PIEZO1: variants seen among roughly 807,000 people sequenced by gnomAD.
PIEZO1 encodes the protein piezo-type mechanosensitive ion channel component 1.
A neutral mutation model predicts 297.2 loss-of-function variants in PIEZO1; 296 were observed. The observed-to-expected ratio is 1.00, with a 90% confidence interval of 0.91 to 1.10. PIEZO1 has a LOEUF of 1.10. Ranked by LOEUF, PIEZO1 falls within the 50% of genes least tolerant of loss-of-function variation. The probability of loss-of-function intolerance (pLI) is 0.00; values close to 1 mark genes in which losing one functional copy is unlikely to be tolerated. For missense variants in PIEZO1, 5,018 were observed against 3,455.5 expected, an observed-to-expected ratio of 1.45 and a Z score of -11.34; for synonymous variants, 2,427 against 1,507.5, an observed-to-expected ratio of 1.61 and a Z score of -14.13.
chr16:88,725,608 G>C lies in PIEZO1; in HGVS notation c.4045C>G (p.Gln1349Glu). The stretch of plus-strand genomic sequence containing the variant: ...AGAGGCACCTACTGTCTTTTCAGCT[G>C]GGCCAGGGACTTCTCCTCTATCCTG... The part of the protein sequence containing the change: ...HRRIEEKSLA[Q>E]LKRQMERIRA... The change falls in exon 28 of 51, where the codon CAG becomes GAG. Residue 1349 changes from glutamine to glutamate, a missense_variant. Gln to Glu is a conservative substitution (Grantham distance 29). Transcript: ENST00000301015. The C allele has an allele frequency of 1.3e-6, 2 of 1,548,732 alleles. No individual in the cohort carries two copies. Among genetic ancestry groups the C allele is most frequent in the Non-Finnish European group, 1.7e-6 (2 of 1,145,274 alleles).
rs546013462 is a variant in PIEZO1 at position 88,726,500 on chromosome 16, C to G, written c.3797-45G>C. 7 of 1,547,032 alleles carry G rather than the reference C, an allele frequency of 4.5e-6. No homozygotes were observed. The African/African-American group carries it at 6.8e-5, about 15-fold the overall frequency. ...AAGGGTCAGGCCCAGGGCCCAGGAG[C>G]AGGGGGCTTCCCCACGCCCTCCCCC... is the stretch of plus-strand genomic sequence containing the variant. On this transcript the variant is annotated intron_variant, in intron 26 of 50. Transcript: ENST00000301015.
chr16:88,742,180 C>T (rs1056642683), intron 3 of PIEZO1, 85 bp from the exon 4 acceptor site: 54 of 1,507,098 alleles, frequency 3.6e-5, no homozygotes, highest in Non-Finnish European at 4.4e-5. Flanking sequence ...TTCACCTGGA[C>T]CATCCAGGCC....
intron 1 of PIEZO1, among the ~76,000 whole-genome samples, chr16:88,750,639 G>C (rs1041937562): frequency 6.6e-6 from 1 of 152,236 alleles, no homozygotes; most frequent in Non-Finnish European, 1.5e-5. Flanking sequence ...TCTGGAGTCA[G>C]GGAGGCTGTG....
At chr16:88,737,502 A>C in intron 10 of PIEZO1, 57 bp downstream of exon 10, 1 of 1,259,254 alleles carries the variant, frequency 7.9e-7, no homozygotes, top group Non-Finnish European at 1.1e-6. Flanking sequence ...AGGGGGCAGC[A>C]CCGGCCTCCG....
At chr16:88,720,008 A>G (rs1341350051) in intron 42 of PIEZO1, 48 bp from the exon 43 acceptor site, 1 of 1,549,084 alleles carries the variant, frequency 6.5e-7, no homozygotes, top group Admixed American at 2.0e-5. Context: ...ACAGCCCCGC[A>G]GGGCCCCCAG....
intron 1 of PIEZO1, among the ~76,000 whole-genome samples, chr16:88,776,433 CA>C (rs953674823): frequency 1.2e-3 from 161 of 138,176 alleles, no homozygotes; most frequent in East Asian, 3.6e-3. Context: ...GACTCTGTCT[CA>C]AAAAAAAAAA....
chr16:88,765,034 C>G (rs566987350), intron 1 of PIEZO1, among the ~76,000 whole-genome samples: 3 of 152,346 alleles, frequency 2.0e-5, no homozygotes, highest in African/African-American at 7.2e-5. Context: ...CCACTGTGTC[C>G]TCAGCGGTGC....
intron 1 of PIEZO1, among the ~76,000 whole-genome samples, chr16:88,760,838 A>T (rs114896324): frequency 0.079 from 11,988 of 152,300 alleles, 1,589 homozygotes; most frequent in African/African-American, 0.27. Flanking sequence ...TGGGGCACTG[A>T]GGAGCTTCTG....
chr16:88,775,944 G>C (rs372992908), intron 1 of PIEZO1, among the ~76,000 whole-genome samples: 73 of 152,324 alleles, frequency 4.8e-4, no homozygotes, highest in African/African-American at 1.6e-3. Context: ...AAGCACCCAG[G>C]TCACTGCAGA....
chr16:88,755,008 G>A (rs1472187940), intron 1 of PIEZO1, among the ~76,000 whole-genome samples: 1 of 152,372 alleles, frequency 6.6e-6, no homozygotes, highest in Non-Finnish European at 1.5e-5. Context: ...AGGGAGAGGA[G>A]AGGCCTAACC....
chr16:88,760,798 C>A (rs1906899106), intron 1 of PIEZO1, among the ~76,000 whole-genome samples: 1 of 152,236 alleles, frequency 6.6e-6, no homozygotes, highest in Admixed American at 6.5e-5. Flanking sequence ...ACGGAATGTT[C>A]CTCACCTACT....
intron 1 of PIEZO1, among the ~76,000 whole-genome samples, chr16:88,759,692 G>C (rs1906836330): frequency 6.6e-6 from 1 of 152,216 alleles, no homozygotes; most frequent in Non-Finnish European, 1.5e-5. Context: ...GGGGCCATGA[G>C]GGCTCAGACG....
At chr16:88,767,547 CCA>C (rs1305703958) in intron 1 of PIEZO1, among the ~76,000 whole-genome samples, 20 of 152,182 alleles carry the variant, frequency 1.3e-4, no homozygotes, top group African/African-American at 4.8e-4. Context: ...TGCTCCTCTC[CCA>C]TCTCTCTCAG....
chr16:88,779,669 G>C (rs1907837076), intron 1 of PIEZO1, among the ~76,000 whole-genome samples: 1 of 152,324 alleles, frequency 6.6e-6, no homozygotes, highest in Admixed American at 6.5e-5. Flanking sequence ...GACACCCCTG[G>C]GGACGCGCTG....
chr16:88,726,100 G>A (rs1263683978), intron 27 of PIEZO1, 184 bp downstream of exon 27: 1 of 606,982 alleles, frequency 1.6e-6, no homozygotes. Flanking sequence ...ACCCAGCACT[G>A]GGGCAGAGTG....
rs529764376 is a variant in PIEZO1, at chr16:88,726,531, C to T, written c.3796+16G>A. On this transcript the variant is annotated intron_variant, in intron 26 of 50. Transcript: ENST00000301015. ...GCTTCCCCACGCCCTCCCCCGCCAC[C>T]GTCCTGGCCACTCACGGTCATAGTA... is the stretch of plus-strand genomic sequence containing the variant. The T allele has an allele frequency of 3.8e-3, 5,946 of 1,547,260 alleles. 20 individuals are homozygous for T. Among genetic ancestry groups the T allele is most frequent in the Non-Finnish European group, 4.4e-3 (5,031 of 1,144,476 alleles).
intron 1 of PIEZO1, among the ~76,000 whole-genome samples, chr16:88,777,401 A>G (rs866928570): frequency 2.0e-5 from 3 of 152,114 alleles, no homozygotes; most frequent in Non-Finnish European, 2.9e-5. Context: ...GCCCGCAGAC[A>G]CATTGCAGGG....
In PIEZO1 at chr16:88,731,875, C is replaced by T. The variant is rs1396375763; in HGVS notation, c.3027G>A (p.Gln1009=). The stretch of plus-strand genomic sequence containing the variant: ...GCAGGGTCACCAGAAAGTTCATGCG[C>T]TGCCCGATCACGTTCACGGCCATCA... ...CFLMAVNVIG[Q]RMNFLVTLHG... Residue 1009 remains glutamine, a synonymous_variant, in exon 22 of 51, where the codon CAG becomes CAA. Transcript: ENST00000301015. The T allele has an allele frequency of 8.3e-7, 1 of 1,208,936 alleles. No homozygotes were observed. Among genetic ancestry groups the T allele is most frequent in the Non-Finnish European group, 1.0e-6 (1 of 953,696 alleles). 74.9% of individuals were successfully genotyped at this position (1,208,936 alleles called of 1,614,324 possible).
At position 88,784,260 on chromosome 16, in the gene PIEZO1, C is replaced by G. The variant is rs192566927; in HGVS notation, c.64+641G>C. On this transcript the variant is annotated intron_variant, in intron 1 of 50. Coordinates refer to ENST00000301015, the MANE Select transcript of PIEZO1 (RefSeq NM_001142864.4). The stretch of plus-strand genomic sequence containing the variant: ...AGACCAGGGCAGAGGCCGGCCCCCG[C>G]CCCTGCGAAACTGAGCCCAGTAGGG... 1.7e-3 allele frequency among the ~76,000 whole-genome samples: 265 copies of G among 152,362 alleles called. 2 individuals are homozygous for G. Among genetic ancestry groups the G allele is most frequent in the African/African-American group, 6.1e-3 (253 of 41,586 alleles).
Sources: allele counts gnomAD v4.1 joint callset (sites outside exome capture counted in the v4.1 genomes callset), GRCh38; gene constraint gnomAD v4.1.1; transcripts MANE v1.5; gene names NCBI Gene and HGNC (gene_info 2026-07-23, HGNC 2026-07-21).